RHCE: variants seen among roughly 807,000 people sequenced by gnomAD.
RHCE encodes the protein blood group Rh(CE) polypeptide.
Under a neutral mutation model 43.8 loss-of-function variants are expected in RHCE, and 22 were observed. That is an observed-to-expected ratio of 0.50 (90% CI 0.36 to 0.72). The LOEUF (loss-of-function observed/expected upper bound fraction) is 0.72. RHCE is among the 30% of genes least tolerant of loss of function. The pLI is 0.00. For missense variants in RHCE, 385 were observed against 525.4 expected (o/e 0.73, Z 2.61); for synonymous variants, 156 against 210.7 (o/e 0.74, Z 2.25).
intron 7 of RHCE, among the ~76,000 whole-genome samples, chr1:25,378,491 TC>T (rs1645854634): frequency 6.6e-6 from 1 of 152,354 alleles, no homozygotes; most frequent in South Asian, 2.1e-4. Context: ...AACTATCTTT[TC>T]TTAGATTCTC....
At chr1:25,403,170 C>A (rs918012925) in intron 2 of RHCE, among the ~76,000 whole-genome samples, 4 of 152,164 alleles carry the variant, frequency 2.6e-5, no homozygotes, top group African/African-American at 4.8e-5. Context: ...CATCCAGTCA[C>A]CCCATCCTCA....
chr1:25,377,285 A>G (rs614997), intron 7 of RHCE, among the ~76,000 whole-genome samples: 89,021 of 151,612 alleles, frequency 0.59, 27,401 homozygotes, highest in African/African-American at 0.77. Context: ...TTGCTGTGTC[A>G]CCAGGCTGGA....
chr1:25,411,248 T>G, intron 1 of RHCE: 2 of 1,450,212 alleles, frequency 1.4e-6, no homozygotes, highest in Non-Finnish European at 1.8e-6. Flanking sequence ...AAGGAAATAA[T>G]GTTTAGTACA....
intron 7 of RHCE, among the ~76,000 whole-genome samples, chr1:25,383,478 A>G (rs985065068): frequency 1.8e-4 from 28 of 152,264 alleles, no homozygotes; most frequent in African/African-American, 2.4e-4. Flanking sequence ...GCTATGTTCT[A>G]TTGCTAAATC....
chr1:25,415,545 G>A (rs376468712), intron 1 of RHCE, among the ~76,000 whole-genome samples: 31 of 151,770 alleles, frequency 2.0e-4, no homozygotes, highest in South Asian at 1.2e-3. Flanking sequence ...CCAGCTACTC[G>A]GGAGGCTGAG....
At chr1:25,420,560 G>T in intron 1 of RHCE, 79 bp downstream of exon 1, 2 of 1,612,960 alleles carry the variant, frequency 1.2e-6, no homozygotes, top group East Asian at 4.5e-5. Flanking sequence ...GAACATCTGT[G>T]CCCCTGGAGA....
intron 1 of RHCE, among the ~76,000 whole-genome samples, chr1:25,414,823 A>G (rs1417305129): frequency 6.6e-6 from 1 of 152,170 alleles, no homozygotes; most frequent in East Asian, 1.9e-4. Flanking sequence ...CTGCAGATGC[A>G]TGAATGACCC....
chr1:25,370,613 TTG>T lies in RHCE; in HGVS notation c.1154-75_1154-74del, dbSNP rs35570425. Reference sequence around the variant, plus strand: ...TTTAATCTCAAGATTAATCAAAATATTGTGTGTGTCAAAACGACAGTGTCTCA... The same window carrying T: ...TTTAATCTCAAGATTAATCAAAATATTGTGTGTCAAAACGACAGTGTCTCA... On this transcript the variant is annotated intron_variant, in intron 8 of 9. Transcript: ENST00000294413. The T allele has an allele frequency of 0.013, 18,066 of 1,359,078 alleles. 2,096 individuals are homozygous for T. The African/African-American group carries it at 0.22, about 17-fold the overall frequency. The allele number at this position is 1,359,078 out of a possible 1,614,324, so 84.2% of individuals were successfully genotyped here.
intron 1 of RHCE, among the ~76,000 whole-genome samples, chr1:25,418,885 C>T (rs1378881225): frequency 6.6e-6 from 1 of 152,096 alleles, no homozygotes; most frequent in Non-Finnish European, 1.5e-5. Context: ...GTTAGTAGCA[C>T]GGTGCAGGGG....
At position 25,426,059 on chromosome 1, in the gene RHCE, T is replaced by G. The variant is rs190923027; in HGVS notation, c.-40+2894A>C. On this transcript the variant is annotated intron_variant, in intron 2 of 11. Transcript: ENST00000349320. The stretch of plus-strand genomic sequence containing the variant: ...CTCATCTGGAAAGGCAGAAAATCAG[T>G]GTCAATCTCACTGGGTTGTTGTGAA... Among the ~76,000 whole-genome samples, 9 of 152,342 alleles carry G rather than the reference T, an allele frequency of 5.9e-5. No individual in the cohort carries two copies. The East Asian group carries it at 1.5e-3, about 26-fold the overall frequency.
chr1:25,391,870 T>C, intron 4 of RHCE, 124 bp downstream of exon 4: 1 of 1,383,588 alleles, frequency 7.2e-7, no homozygotes, highest in East Asian at 2.3e-5. Flanking sequence ...AAGTGAATCA[T>C]GATGGAAGGG....
chr1:25,378,771 G>C (rs1645863959), intron 7 of RHCE, among the ~76,000 whole-genome samples: 1 of 152,180 alleles, frequency 6.6e-6, no homozygotes, highest in South Asian at 2.1e-4. Context: ...AGTTTTGTGT[G>C]GCCCTGCAAG....
intron 7 of RHCE, among the ~76,000 whole-genome samples, chr1:25,379,495 A>ATTTTT (rs770791604): frequency 1.5e-4 from 4 of 27,076 alleles, no homozygotes; most frequent in South Asian, 1.9e-3. Flanking sequence ...ATATATATAT[A>ATTTTT]TTTTTTTTTT....
intron 3 of RHCE, among the ~76,000 whole-genome samples, chr1:25,392,981 G>A (rs148158615): frequency 6.6e-6 from 1 of 152,256 alleles, no homozygotes; most frequent in Admixed American, 6.5e-5. Flanking sequence ...CAGGAGTGAT[G>A]AGTGATATAA....
chr1:25,376,155 G>A (rs1645780102), intron 7 of RHCE, among the ~76,000 whole-genome samples: 1 of 152,040 alleles, frequency 6.6e-6, no homozygotes. Context: ...CAAGGTGGGT[G>A]GGGTAGAGCT....
chr1:25,403,349 C>G (rs1646815448), intron 2 of RHCE, among the ~76,000 whole-genome samples: 1 of 151,798 alleles, frequency 6.6e-6, no homozygotes, highest in South Asian at 2.1e-4. Flanking sequence ...AAACGTATCC[C>G]ATGTTGGTGT....
In RHCE at chr1:25,399,263, A is replaced by G. The variant is rs560737525; in HGVS notation, c.486+3333T>C. Reference sequence around the variant, plus strand: ...CTCTTTGCCTCTGCTTTGTCATGCCATTAAGCTCACAATAAGGAAGAAATA... The same window carrying G: ...CTCTTTGCCTCTGCTTTGTCATGCCGTTAAGCTCACAATAAGGAAGAAATA... On this transcript the variant is annotated intron_variant, in intron 3 of 9. Coordinates refer to ENST00000294413, the MANE Select transcript of RHCE (RefSeq NM_020485.8). 1,552 of 778,800 alleles carry G rather than the reference A, an allele frequency of 2.0e-3. 29 individuals carry two copies. Among genetic ancestry groups the G allele is most frequent in the South Asian group, 0.013 (941 of 71,344 alleles). The allele number at this position is 778,800 out of a possible 1,614,324, so 48.2% of individuals were successfully genotyped here. A position where few individuals can be genotyped will look rare whatever the true frequency, so the allele number is the denominator to read the frequency against.
At chr1:25,380,489 ACTAGACCTTGCT>A (rs1645959420) in intron 7 of RHCE, among the ~76,000 whole-genome samples, 5 of 151,844 alleles carry the variant, frequency 3.3e-5, no homozygotes, top group Non-Finnish European at 7.4e-5. Flanking sequence ...TTGTAGCTCC[ACTAGACCTTGCT>A]CTACTAGGGG....
chr1:25,373,142 A>G (rs1389046123), intron 8 of RHCE, among the ~76,000 whole-genome samples: 1 of 151,676 alleles, frequency 6.6e-6, no homozygotes, highest in African/African-American at 2.4e-5. Flanking sequence ...CATGTAAAGA[A>G]GAAAGCTTGT....
Sources: gnomAD v4.1 joint callset for allele counts (sites outside exome capture counted in the v4.1 genomes callset) on GRCh38, gnomAD v4.1.1 for gene constraint, MANE v1.5 for transcripts, NCBI Gene and HGNC (gene_info 2026-07-23, HGNC 2026-07-21) for gene names.